CDH12: variants seen among roughly 807,000 people sequenced by gnomAD.
The protein encoded by CDH12 is cadherin-12.
In CDH12, 41 loss-of-function variants were observed where a neutral mutation model predicts 74.1. That is an observed-to-expected ratio of 0.55 (90% confidence interval 0.43 to 0.72). The LOEUF is 0.72. Ranked by LOEUF, CDH12 falls within the 30% of genes least tolerant of loss-of-function variation. The probability of loss-of-function intolerance (pLI) is 0.00; values close to 1 mark genes in which losing one functional copy is unlikely to be tolerated. For synonymous variants in CDH12, 399 were observed against 355.0 expected, an observed-to-expected ratio of 1.12 and a Z score of -1.39; for missense variants, 945 against 977.2, an observed-to-expected ratio of 0.97 and a Z score of 0.44.
chr5:21,922,982 A>ATCTATG (rs1188953796), intron 6 of CDH12, among the ~76,000 whole-genome samples: 18 of 151,930 alleles, frequency 1.2e-4, no homozygotes, highest in East Asian at 3.9e-4. Flanking sequence ...CTATATCTAT[A>ATCTATG]TATGGAGAGA....
At chr5:22,669,478 G>A (rs958305223) in intron 1 of CDH12, among the ~76,000 whole-genome samples, 1 of 152,128 alleles carries the variant, frequency 6.6e-6, no homozygotes, top group African/African-American at 2.4e-5. Context: ...AAGGACAGGC[G>A]TGGTAACATA....
rs375252256 is a variant in CDH12, at chr5:22,327,402, C to T, written c.-333+77855G>A. ...AAATGGCAGCTTACCATGAGAGCCA[C>T]TGACCGGGAGATAAAATTTGTGCCT... On this transcript the variant is annotated intron_variant, in intron 3 of 14. Transcript: ENST00000382254. 1.1e-4 allele frequency among the ~76,000 whole-genome samples: 17 copies of T among 150,540 alleles called. No homozygotes were observed. The East Asian group carries it at 2.9e-3, about 26-fold the overall frequency.
intron 3 of CDH12, among the ~76,000 whole-genome samples, chr5:22,264,402 A>G (rs2150396004): frequency 6.6e-6 from 1 of 152,242 alleles, no homozygotes; most frequent in East Asian, 1.9e-4. Context: ...CTTTTTTCCT[A>G]ATGTCTCTCC....
chr5:22,800,084 A>G (rs1046726465), intron 1 of CDH12, among the ~76,000 whole-genome samples: 1 of 152,208 alleles, frequency 6.6e-6, no homozygotes, highest in Admixed American at 6.5e-5. Context: ...CTGAGGAGGT[A>G]GTAGTTAATT....
intron 8 of CDH12, among the ~76,000 whole-genome samples, chr5:21,838,609 C>A (rs940163123): frequency 1.3e-5 from 2 of 152,050 alleles, no homozygotes; most frequent in African/African-American, 2.4e-5. Flanking sequence ...TTATCCTCTA[C>A]ATTTTTTGCA....
At chr5:21,883,623 G>A in intron 6 of CDH12, 2 of 1,610,942 alleles carry the variant, frequency 1.2e-6, no homozygotes, top group Non-Finnish European at 1.7e-6. Context: ...CTTAGGAAAA[G>A]TTGGAGAGGT....
At chr5:22,578,782 G>A (rs566505143) in intron 1 of CDH12, among the ~76,000 whole-genome samples, 12 of 151,996 alleles carry the variant, frequency 7.9e-5, no homozygotes, top group East Asian at 5.8e-4. Context: ...CTGAATATGC[G>A]TTTCTCTAGA....
intron 1 of CDH12, among the ~76,000 whole-genome samples, chr5:22,516,095 G>A (rs1290245222): frequency 6.6e-6 from 1 of 152,098 alleles, no homozygotes; most frequent in Non-Finnish European, 1.5e-5. Context: ...AGAAAGCAAT[G>A]CACTATGTCG....
intron 5 of CDH12, among the ~76,000 whole-genome samples, chr5:22,035,372 T>A (rs545143805): frequency 6.6e-6 from 1 of 150,702 alleles, no homozygotes; most frequent in Non-Finnish European, 1.5e-5. Flanking sequence ...GTTAAGTTAA[T>A]TTCTCTGGCC....
At chr5:22,329,147 G>T (rs1334874766) in intron 3 of CDH12, among the ~76,000 whole-genome samples, 1 of 152,014 alleles carries the variant, frequency 6.6e-6, no homozygotes, top group African/African-American at 2.4e-5. Context: ...GCTATGGCAT[G>T]GTCAAATGAT....
intron 4 of CDH12, among the ~76,000 whole-genome samples, chr5:22,112,083 C>T (rs1044945691): frequency 1.9e-4 from 23 of 123,830 alleles, no homozygotes; most frequent in Non-Finnish European, 5.2e-5. Flanking sequence ...GTAAATTAAA[C>T]TGCTCTGCTA....
At chr5:21,782,590 T>C (rs1251664239) in intron 11 of CDH12, among the ~76,000 whole-genome samples, 2 of 152,142 alleles carry the variant, frequency 1.3e-5, no homozygotes, top group Admixed American at 6.5e-5. Context: ...AGAGATTCAG[T>C]TGAGATTTTT....
At chr5:21,914,713 C>T (rs1754010514) in intron 6 of CDH12, among the ~76,000 whole-genome samples, 1 of 152,108 alleles carries the variant, frequency 6.6e-6, no homozygotes, top group South Asian at 2.1e-4. Context: ...GATAAAGCCA[C>T]CCACATTATT....
intron 1 of CDH12, among the ~76,000 whole-genome samples, chr5:22,617,819 G>A (rs1270604854): frequency 2.0e-5 from 3 of 152,122 alleles, no homozygotes; most frequent in Non-Finnish European, 4.4e-5. Flanking sequence ...GTTGTAATAT[G>A]AGTTTTCTAA....
intron 8 of CDH12, among the ~76,000 whole-genome samples, chr5:21,840,885 A>G (rs1579812692): frequency 6.6e-6 from 1 of 152,302 alleles, no homozygotes; most frequent in African/African-American, 2.4e-5. Context: ...TAAACGTTAG[A>G]CCTAAAACCA....
chr5:22,589,577 G>C (rs1740580090), intron 1 of CDH12, among the ~76,000 whole-genome samples: 1 of 152,128 alleles, frequency 6.6e-6, no homozygotes, highest in African/African-American at 2.4e-5. Flanking sequence ...CAAATCTGAA[G>C]GTCACTCCTT....
intron 1 of CDH12, among the ~76,000 whole-genome samples, chr5:22,603,950 A>T (rs1163606153): frequency 1.3e-5 from 2 of 152,198 alleles, no homozygotes; most frequent in Admixed American, 1.3e-4. Flanking sequence ...GATGCTAGTG[A>T]GGCCAGAGAG....
At chr5:22,127,642 T>C (rs1745959406) in intron 4 of CDH12, among the ~76,000 whole-genome samples, 1 of 152,198 alleles carries the variant, frequency 6.6e-6, no homozygotes. Context: ...TTGAGCAATA[T>C]CTGTGTCTTT....
chr5:22,510,145 G>T (rs1346981517), intron 1 of CDH12, among the ~76,000 whole-genome samples: 1 of 151,984 alleles, frequency 6.6e-6, no homozygotes, highest in African/African-American at 2.4e-5. Flanking sequence ...CACATTTAAA[G>T]CCTTCAGAGA....
Sources: gnomAD v4.1 joint callset for allele counts (sites outside exome capture counted in the v4.1 genomes callset) on GRCh38, gnomAD v4.1.1 for gene constraint, MANE v1.5 for transcripts, NCBI Gene and HGNC (gene_info 2026-07-23, HGNC 2026-07-21) for gene names.